The following TRIOBP variants were observed in gnomAD, a reference collection of about 807,000 sequenced individuals.
TRIOBP encodes TRIO and F-actin binding protein.
TRIOBP carries 169 observed loss-of-function variants against 238.8 expected under a neutral mutation model. That is an observed-to-expected ratio of 0.71 (90% CI 0.62 to 0.80). The LOEUF (loss-of-function observed/expected upper bound fraction) is 0.80. Ranked by LOEUF, TRIOBP falls within the 30% of genes least tolerant of loss-of-function variation. TRIOBP has a pLI of 0.00. For missense variants in TRIOBP, 2,838 were observed against 3,122.6 expected, an observed-to-expected ratio of 0.91 and a Z score of 2.17; for synonymous variants, 1,150 against 1,274.4, an observed-to-expected ratio of 0.90 and a Z score of 2.08.
chr22:37,741,516 G>C (rs549187003), intron 11 of TRIOBP, among the ~76,000 whole-genome samples: 6 of 152,246 alleles, frequency 3.9e-5, no homozygotes, highest in Non-Finnish European at 8.8e-5. Flanking sequence ...AGGGCAGGCA[G>C]CTGAGACCCG....
chr22:37,770,300 T>TGGTGGCGGGCGC (rs762902768), intron 21 of TRIOBP, among the ~76,000 whole-genome samples: 4 of 146,360 alleles, frequency 2.7e-5, no homozygotes, highest in South Asian at 4.5e-4. Context: ...TACCCGGGCG[T>TGGTGGCGGGCGC]GGTGGCGGGC....
chr22:37,770,046 CT>C (rs1162956733), intron 21 of TRIOBP, among the ~76,000 whole-genome samples: 265 of 136,034 alleles, frequency 1.9e-3, no homozygotes, highest in Middle Eastern at 3.8e-3. Flanking sequence ...TATTTCTTTA[CT>C]TTTTTTTTTT....
intron 5 of TRIOBP, among the ~76,000 whole-genome samples, chr22:37,714,683 A>G (rs888715356): frequency 6.6e-6 from 1 of 151,890 alleles, no homozygotes; most frequent in African/African-American, 2.4e-5. Flanking sequence ...AAAAAAAAAA[A>G]GTTGATTGAT....
At position 37,723,376 on chromosome 22, in the gene TRIOBP, G is replaced by A. The variant is rs1923935430; in HGVS notation, c.820G>A (p.Glu274Lys). ...CACTGCTCAGGCTGCCTCTACACGTGAAATCCCCAGAGCCTCCTCTCCCCA... is the reference window on the plus strand; with the variant it reads ...CACTGCTCAGGCTGCCTCTACACGTAAAATCCCCAGAGCCTCCTCTCCCCA... ...RDTAQAASTR[E>K]IPRASSPHRI... The change falls in exon 7 of 24, where the codon GAA becomes AAA. Residue 274 changes from glutamate to lysine, a missense_variant. Around this residue, in one of 5 missense-constraint regions of TRIOBP, gnomAD observed 535 missense variants for 537.3 expected, o/e 1.00. Coordinates refer to ENST00000644935, the MANE Select transcript of TRIOBP (RefSeq NM_001039141.3). 4 of 1,614,010 alleles carry A rather than the reference G, an allele frequency of 2.5e-6. No homozygotes were observed. The highest frequency in any genetic ancestry group is 3.4e-6 in the Non-Finnish European group (4 of 1,179,980).
intron 3 of TRIOBP, among the ~76,000 whole-genome samples, chr22:37,709,687 G>C (rs1601620486): frequency 6.6e-6 from 1 of 152,206 alleles, no homozygotes; most frequent in African/African-American, 2.4e-5. Flanking sequence ...AATTGGGGGG[G>C]GCCCTGGAGG....
rs370026513 is a variant in TRIOBP at position 37,725,712 on chromosome 22, C to T, written c.3156C>T (p.Pro1052=). 2 of 1,613,600 alleles carry T rather than the reference C, an allele frequency of 1.2e-6. No individual in the cohort carries two copies. Among genetic ancestry groups the T allele is most frequent in the Non-Finnish European group, 1.7e-6 (2 of 1,179,914 alleles). ...PEPRAPESEP[P]HHEPPYIPPA... ...CCCGCGCCCCTGAGAGTGAACCGCC[C>T]CACCACGAGCCTCCCTATATACCAC... The change falls in exon 7 of 24, where the codon CCC becomes CCT. Residue 1052 remains proline, a synonymous_variant. Transcript: ENST00000644935.
rs753887397 is a variant in TRIOBP at position 37,759,272 on chromosome 22, CG to C, written c.6324+14del. On this transcript the variant is annotated intron_variant, in intron 17 of 23. Transcript: ENST00000644935. ...CCGGGCTACATCTCACAGGTAAGGC[CG>C]GGGGGCTGTTTTTCAGGGGGAGGGG... 1.6e-5 allele frequency: 26 copies of C among 1,611,130 alleles called. No homozygotes were observed. The African/African-American group carries it at 3.2e-4, about 20-fold the overall frequency.
intron 3 of TRIOBP, among the ~76,000 whole-genome samples, chr22:37,709,301 A>G (rs1923110864): frequency 6.6e-6 from 1 of 152,160 alleles, no homozygotes; most frequent in South Asian, 2.1e-4. Flanking sequence ...TCCCAGGCCC[A>G]GGCTCTTGCC....
chr22:37,716,570 C>T lies in TRIOBP; in HGVS notation c.628+636C>T, dbSNP rs12160077. Reference sequence around the variant, plus strand: ...TCAGCCTCCTAAGTACCTGGGATTACAGGCACCCGCCACCACACGTGGCTA... The same window carrying T: ...TCAGCCTCCTAAGTACCTGGGATTATAGGCACCCGCCACCACACGTGGCTA... On this transcript the variant is annotated intron_variant, in intron 6 of 23. Coordinates refer to ENST00000644935, the MANE Select transcript of TRIOBP (RefSeq NM_001039141.3). 6.8e-3 allele frequency among the ~76,000 whole-genome samples: 1,035 copies of T among 152,296 alleles called. 12 individuals are homozygous for T. The highest frequency in any genetic ancestry group is 0.023 in the African/African-American group (967 of 41,570).
chr22:37,723,808 T>C lies in TRIOBP; in HGVS notation c.1252T>C (p.Ser418Pro), dbSNP rs375935232. The C allele has an allele frequency of 3.8e-6, 6 of 1,591,866 alleles. No homozygotes were observed. Among genetic ancestry groups the C allele is most frequent in the Middle Eastern group, 1.7e-4 (1 of 5,978 alleles). The change falls in exon 7 of 24, where the codon TCC becomes CCC. Residue 418 changes from serine to proline, a missense_variant. Ser to Pro is a moderately conservative substitution (Grantham distance 74). This residue lies in a region of TRIOBP where 535 missense variants were observed against 537.3 expected (regional missense o/e 1.00). Transcript: ENST00000644935. ...QRDNPKASRTSSPNRATRDNP... is the reference protein window; with the variant it reads ...QRDNPKASRTPSPNRATRDNP... ...GGACAATCCCAAAGCCTCCAGAACC[T>C]CCTCTCCCAATAGAGCCACACGAGA... is the stretch of plus-strand genomic sequence containing the variant.
intron 3 of TRIOBP, among the ~76,000 whole-genome samples, chr22:37,703,943 A>G (rs1022300855): frequency 2.0e-5 from 3 of 152,240 alleles, no homozygotes; most frequent in African/African-American, 4.8e-5. Flanking sequence ...AGAATGGAAC[A>G]GGAGAGCCGT....
chr22:37,735,765 T>TG (rs2145843496), intron 9 of TRIOBP, among the ~76,000 whole-genome samples: 1 of 152,344 alleles, frequency 6.6e-6, no homozygotes, highest in South Asian at 2.1e-4. Flanking sequence ...TGAAGCCACT[T>TG]GCTGGTGGGG....
rs763282704 is a variant in TRIOBP, at chr22:37,757,760, C to T, written c.5835C>T (p.Tyr1945=). The part of the protein sequence containing the change: ...KADGQRQALD[Y]VELSPLTQAS... ...ACGGGCAGCGTCAGGCCTTGGACTA[C>T]GTGGAGCTCTCGCCGCTGACCCAGG... is the stretch of plus-strand genomic sequence containing the variant. The change falls in exon 16 of 24, where the codon TAC becomes TAT. Residue 1945 remains tyrosine, a synonymous_variant. Transcript: ENST00000644935. 2.1e-5 allele frequency: 33 copies of T among 1,560,588 alleles called. No individual in the cohort carries two copies. Among genetic ancestry groups the T allele is most frequent in the South Asian group, 2.4e-5 (2 of 85,102 alleles).
intron 4 of TRIOBP, among the ~76,000 whole-genome samples, chr22:37,712,366 C>G (rs996522748): frequency 6.6e-6 from 1 of 151,890 alleles, no homozygotes; most frequent in Non-Finnish European, 1.5e-5. Flanking sequence ...GAGTCTCGTG[C>G]TGTCACCCAG....
chr22:37,738,390 T>G (rs1165635971), intron 9 of TRIOBP, among the ~76,000 whole-genome samples: 1 of 151,864 alleles, frequency 6.6e-6, no homozygotes, highest in Non-Finnish European at 1.5e-5. Flanking sequence ...ATGTAGGTAT[T>G]GGGTAAATGG....
chr22:37,697,381 C>A (rs931047465), intron 1 of TRIOBP, among the ~76,000 whole-genome samples: 18 of 152,148 alleles, frequency 1.2e-4, no homozygotes, highest in African/African-American at 4.3e-4. Flanking sequence ...GAGCGGCGTT[C>A]TCCTGCTAGG....
chr22:37,726,912 G>GTT lies in TRIOBP; in HGVS notation c.3947+419_3947+420dup, dbSNP rs113252773. Among the ~76,000 whole-genome samples the GTT allele has an allele frequency of 5.6e-4, 82 of 145,766 alleles. 1 individual carries two copies. The highest frequency in any genetic ancestry group is 8.9e-4 in the Admixed American group (13 of 14,662). On this transcript the variant is annotated intron_variant, in intron 7 of 23. Coordinates refer to ENST00000644935, the MANE Select transcript of TRIOBP (RefSeq NM_001039141.3). ...ACTGTCTTTTTATTTTTTATTTTTT[G>GTT]TTTTTTTTTTTGAGGTGGAGTTTTG...
At chr22:37,733,474 C>G (rs1002012664) in intron 8 of TRIOBP, 62 bp downstream of exon 8, 2 of 1,289,122 alleles carry the variant, frequency 1.6e-6, no homozygotes, top group Non-Finnish European at 2.2e-6. Context: ...CTCTTCCCTC[C>G]CGCTAGAAGC....
intron 9 of TRIOBP, among the ~76,000 whole-genome samples, chr22:37,737,477 C>T (rs1318282385): frequency 4.6e-5 from 7 of 151,822 alleles, no homozygotes; most frequent in East Asian, 1.9e-4. Context: ...CTGGCTAACA[C>T]GGTGGAACCC....
Sources: allele counts gnomAD v4.1 joint callset (sites outside exome capture counted in the v4.1 genomes callset), GRCh38; gene constraint gnomAD v4.1.1; regional missense constraint gnomAD v4.1.1; transcripts MANE v1.5; gene names NCBI Gene and HGNC (gene_info 2026-07-23, HGNC 2026-07-21).